Variants in UNC5D observed in about 807,000 individuals in gnomAD.
UNC5D encodes netrin receptor UNC5D.
UNC5D carries 39 observed loss-of-function variants against 105.4 expected under a neutral mutation model. The observed-to-expected ratio is 0.37, with a 90% CI of 0.29 to 0.48. The LOEUF (loss-of-function observed/expected upper bound fraction) is 0.48, where lower values mean the gene tolerates loss of function less well. UNC5D is among the 20% of genes least tolerant of loss of function. UNC5D has a pLI of 0.98. For synonymous variants in UNC5D, 452 were observed against 450.4 expected (o/e 1.00, Z -0.04); for missense variants, 991 against 1,202.4 (o/e 0.82, Z 2.60).
intron 11 of UNC5D, 55 bp downstream of exon 11, chr8:35,731,151 T>G: frequency 2.0e-6 from 3 of 1,536,748 alleles, no homozygotes; most frequent in Non-Finnish European, 2.7e-6. Flanking sequence ...GTAATCCCAG[T>G]ACTTTGGGAG....
intron 1 of UNC5D, among the ~76,000 whole-genome samples, chr8:35,494,297 T>G (rs903473595): frequency 6.6e-6 from 1 of 152,186 alleles, no homozygotes; most frequent in Non-Finnish European, 1.5e-5. Context: ...CCAAAATGTT[T>G]CTAAATAACA....
chr8:35,683,496 A>C, intron 4 of UNC5D, 51 bp from the exon 5 acceptor site: 2 of 1,529,900 alleles, frequency 1.3e-6, no homozygotes, highest in Non-Finnish European at 1.7e-6. Flanking sequence ...CAATTCCAGA[A>C]AAGAGTTCTG....
At chr8:35,451,247 T>A (rs992890927) in intron 1 of UNC5D, among the ~76,000 whole-genome samples, 1 of 152,070 alleles carries the variant, frequency 6.6e-6, no homozygotes, top group Non-Finnish European at 1.5e-5. Context: ...TTCTCCATGT[T>A]GGTTAGGCTG....
chr8:35,746,270 C>T (rs10108043), intron 11 of UNC5D, among the ~76,000 whole-genome samples: 21,259 of 152,112 alleles, frequency 0.14, 4,459 homozygotes, highest in African/African-American at 0.45. Context: ...ACACCTGCCT[C>T]TATAGGTGTG....
intron 4 of UNC5D, among the ~76,000 whole-genome samples, chr8:35,602,420 A>C (rs1257168835): frequency 6.6e-6 from 1 of 152,090 alleles, no homozygotes; most frequent in East Asian, 1.9e-4. Flanking sequence ...CCATAAATCC[A>C]TCTGGTCCTG....
At chr8:35,352,683 G>A (rs943262741) in intron 1 of UNC5D, among the ~76,000 whole-genome samples, 1 of 152,078 alleles carries the variant, frequency 6.6e-6, no homozygotes, top group Non-Finnish European at 1.5e-5. Flanking sequence ...CACAATCTCG[G>A]CTCATTGCAA....
At chr8:35,276,013 T>A (rs1358218619) in intron 1 of UNC5D, among the ~76,000 whole-genome samples, 1 of 152,222 alleles carries the variant, frequency 6.6e-6, no homozygotes, top group Non-Finnish European at 1.5e-5. Flanking sequence ...GATTTCCTTG[T>A]GGTTTAATAT....
chr8:35,254,894 T>C (rs1803965485), intron 1 of UNC5D: 1 of 152,180 alleles, frequency 6.6e-6, no homozygotes, highest in Admixed American at 6.5e-5. Flanking sequence ...CAAGATGTAC[T>C]AAATGAAAAA....
chr8:35,786,326 T>C (rs1489449579), intron 16 of UNC5D, among the ~76,000 whole-genome samples: 1 of 152,190 alleles, frequency 6.6e-6, no homozygotes, highest in Admixed American at 6.5e-5. Context: ...ACATTTCACT[T>C]GCTACAATAT....
intron 1 of UNC5D, among the ~76,000 whole-genome samples, chr8:35,329,532 G>T (rs112351729): frequency 6.6e-6 from 1 of 151,962 alleles, no homozygotes; most frequent in Non-Finnish European, 1.5e-5. Context: ...GGAAAATGCC[G>T]AGTGCTGTTA....
chr8:35,449,130 C>T (rs908951336), intron 1 of UNC5D, among the ~76,000 whole-genome samples: 4 of 152,150 alleles, frequency 2.6e-5, no homozygotes, highest in East Asian at 1.9e-4. Context: ...TCTTTGATAT[C>T]GTGAAGAGTG....
intron 1 of UNC5D, among the ~76,000 whole-genome samples, chr8:35,461,477 G>A (rs190937734): frequency 1.1e-4 from 17 of 152,218 alleles, no homozygotes; most frequent in Admixed American, 3.9e-4. Context: ...ATCACCTGGA[G>A]AGGGTGAAAA....
chr8:35,467,595 G>GAAA (rs1809402083), intron 1 of UNC5D, among the ~76,000 whole-genome samples: 2 of 126,836 alleles, frequency 1.6e-5, no homozygotes, highest in Non-Finnish European at 3.4e-5. Context: ...AAAAAAAGAA[G>GAAA]AAAAAATCAG....
intron 4 of UNC5D, among the ~76,000 whole-genome samples, chr8:35,620,521 C>G (rs981273489): frequency 4.6e-5 from 7 of 152,094 alleles, no homozygotes; most frequent in African/African-American, 1.4e-4. Context: ...AGACCCTTAC[C>G]CCCACTGTTC....
chr8:35,320,298 G>A (rs879335851), intron 1 of UNC5D, among the ~76,000 whole-genome samples: 48 of 152,188 alleles, frequency 3.2e-4, no homozygotes, highest in African/African-American at 7.0e-4. Context: ...CTTAAGACTC[G>A]GAATCAGTAG....
At chr8:35,379,204 G>A (rs776882599) in intron 1 of UNC5D, among the ~76,000 whole-genome samples, 1 of 152,220 alleles carries the variant, frequency 6.6e-6, no homozygotes, top group Admixed American at 6.5e-5. Context: ...GATCACCAAA[G>A]CCTAGTAACT....
At chr8:35,495,146 G>A (rs915053668) in intron 1 of UNC5D, among the ~76,000 whole-genome samples, 9 of 152,238 alleles carry the variant, frequency 5.9e-5, no homozygotes, top group Admixed American at 2.0e-4. Flanking sequence ...GGTTGGAAGT[G>A]TATTTTTAAT....
intron 1 of UNC5D, among the ~76,000 whole-genome samples, chr8:35,476,798 A>G (rs1046763075): frequency 2.0e-5 from 3 of 152,180 alleles, no homozygotes; most frequent in Non-Finnish European, 4.4e-5. Context: ...CAGGCTGGAA[A>G]ATAAATGAAG....
rs1254354294 is a variant in UNC5D, at chr8:35,523,303, G to A, written c.104-25989G>A. Among the ~76,000 whole-genome samples, 4 of 151,866 alleles carry A rather than the reference G, an allele frequency of 2.6e-5. No homozygotes were observed. The South Asian group carries it at 6.2e-4, about 24-fold the overall frequency. ...TTACTATGTTGCCCAGGCTGGTCTCGAATTCCTGGACATAAGCGTTCTTCC... is the reference window on the plus strand; with the variant it reads ...TTACTATGTTGCCCAGGCTGGTCTCAAATTCCTGGACATAAGCGTTCTTCC... On this transcript the variant is annotated intron_variant, in intron 1 of 16. Coordinates refer to ENST00000404895, the MANE Select transcript of UNC5D (RefSeq NM_080872.4).
Sources: gnomAD v4.1 joint callset for allele counts (sites outside exome capture counted in the v4.1 genomes callset) on GRCh38, gnomAD v4.1.1 for gene constraint, MANE v1.5 for transcripts, NCBI Gene and HGNC (gene_info 2026-07-23, HGNC 2026-07-21) for gene names.